IQGAP2: variants seen among roughly 807,000 people sequenced by gnomAD.
IQGAP2 encodes the protein IQ motif containing GTPase activating protein 2, also known as ras GTPase-activating-like protein IQGAP2.
In IQGAP2, 173 loss-of-function variants were observed where a neutral mutation model predicts 201.3. The observed-to-expected ratio is 0.86, with a 90% CI of 0.76 to 0.98. IQGAP2 has a LOEUF of 0.98. Ranked by LOEUF, IQGAP2 falls within the 50% of genes least tolerant of loss-of-function variation. The pLI, the probability that IQGAP2 is intolerant of heterozygous loss-of-function variation, is 0.00. For synonymous variants in IQGAP2, 675 were observed against 673.9 expected, an observed-to-expected ratio of 1.00 and a Z score of -0.03; for missense variants, 1,687 against 1,864.8, an observed-to-expected ratio of 0.90 and a Z score of 1.76.
At chr5:76,492,138 C>T (rs144172399) in intron 2 of IQGAP2, among the ~76,000 whole-genome samples, 23 of 152,268 alleles carry the variant, frequency 1.5e-4, no homozygotes, top group African/African-American at 4.1e-4. Flanking sequence ...AAAAGGGATT[C>T]GGAGAAGTTT....
chr5:76,551,980 G>A (rs1268544172), intron 2 of IQGAP2, among the ~76,000 whole-genome samples: 1 of 152,034 alleles, frequency 6.6e-6, no homozygotes, highest in East Asian at 1.9e-4. Context: ...GACAATGACA[G>A]CCTCACCCTC....
At chr5:76,641,178 G>T in intron 17 of IQGAP2, 75 bp downstream of exon 17, 1 of 1,143,784 alleles carries the variant, frequency 8.7e-7, no homozygotes, top group South Asian at 1.6e-5. Flanking sequence ...TAATAGAATA[G>T]TCAACTACCA....
Position 76,592,908 on chromosome 5 carries a change from A to C in IQGAP2, c.890A>C (p.Asn297Thr). 1.9e-6 allele frequency: 3 copies of C among 1,607,762 alleles called. No homozygotes were observed. The highest frequency in any genetic ancestry group is 2.6e-6 in the Non-Finnish European group (3 of 1,174,270). ...CTGACACAAGCAGAAATCCAAGGCA[A>C]TATTAATAAAGTCAACAGTAAGTAA... ...ELLTQAEIQG[N>T]INKVNRQAAV... Residue 297 changes from asparagine to threonine, a missense_variant, in exon 9 of 36, where the codon AAT (asparagine) becomes ACT (threonine). Coordinates refer to ENST00000274364, the MANE Select transcript of IQGAP2 (RefSeq NM_006633.5).
chr5:76,583,227 G>A (rs1415943537), intron 5 of IQGAP2, among the ~76,000 whole-genome samples: 1 of 152,066 alleles, frequency 6.6e-6, no homozygotes, highest in Non-Finnish European at 1.5e-5. Context: ...CAGGTAATAA[G>A]CAGCCTCATT....
chr5:76,688,389 G>T, intron 30 of IQGAP2, among the ~76,000 whole-genome samples: 1 of 152,138 alleles, frequency 6.6e-6, no homozygotes, highest in South Asian at 2.1e-4. Context: ...AGAATTTGAG[G>T]CATTGTTAAT....
At chr5:76,668,091 C>T (rs1225193548) in intron 22 of IQGAP2, among the ~76,000 whole-genome samples, 2 of 151,924 alleles carry the variant, frequency 1.3e-5, no homozygotes, top group East Asian at 3.9e-4. Context: ...CCATGTTGCC[C>T]AGGCTTGTCT....
chr5:76,443,647 G>A (rs1025812832), intron 1 of IQGAP2, among the ~76,000 whole-genome samples: 3 of 152,038 alleles, frequency 2.0e-5, no homozygotes, highest in Admixed American at 1.3e-4. Context: ...TCTAGCCAGG[G>A]TTGTTAGAAA....
intron 1 of IQGAP2, among the ~76,000 whole-genome samples, chr5:76,414,890 G>T (rs957301757): frequency 5.3e-5 from 8 of 152,172 alleles, no homozygotes; most frequent in Non-Finnish European, 1.0e-4. Flanking sequence ...CATTAGATTA[G>T]GGGAACTCTG....
At position 76,509,029 on chromosome 5, in the gene IQGAP2, A is replaced by ATATGTG. The variant is rs368437689; in HGVS notation, c.146+47361_146+47362insATGTGT. Among the ~76,000 whole-genome samples, 52 of 148,956 alleles carry ATATGTG rather than the reference A, an allele frequency of 3.5e-4. 1 individual carries two copies. The East Asian group carries it at 9.6e-3, about 27-fold the overall frequency. ...TGGTAAACAGTTTGGCTGTATATAT[A>ATATGTG]TGTGTGTGTGTGTGTGTGTGTGTGT... On this transcript the variant is annotated intron_variant, in intron 2 of 35. Coordinates refer to ENST00000274364, the MANE Select transcript of IQGAP2 (RefSeq NM_006633.5).
chr5:76,496,712 C>CTT (rs1444114099), intron 2 of IQGAP2, among the ~76,000 whole-genome samples: 7 of 18,120 alleles, frequency 3.9e-4, no homozygotes, highest in African/African-American at 1.6e-3. Context: ...CTCTTTCTTT[C>CTT]TTTCTTTCTT....
At chr5:76,668,873 A>G (rs746430376) in intron 23 of IQGAP2, 29 bp downstream of exon 23, 9 of 1,427,314 alleles carry the variant, frequency 6.3e-6, no homozygotes, top group African/African-American at 2.9e-5. Context: ...ATGTAAAAAT[A>G]CCAGTGAATC....
intron 2 of IQGAP2, among the ~76,000 whole-genome samples, chr5:76,511,901 C>T (rs1013320478): frequency 1.1e-4 from 16 of 152,108 alleles, no homozygotes; most frequent in African/African-American, 3.4e-4. Context: ...AGGATGGTCT[C>T]GATCTCCTGA....
chr5:76,665,662 A>C (rs1743692057), intron 22 of IQGAP2, among the ~76,000 whole-genome samples: 2 of 152,204 alleles, frequency 1.3e-5, no homozygotes, highest in African/African-American at 4.8e-5. Flanking sequence ...GGGATTTCAA[A>C]ATAATATTTC....
chr5:76,585,682 T>G (rs1472601520), intron 5 of IQGAP2, among the ~76,000 whole-genome samples: 17 of 151,890 alleles, frequency 1.1e-4, no homozygotes, highest in Non-Finnish European at 4.4e-5. Flanking sequence ...GCCCAGCTAA[T>G]TTTGTATTTT....
chr5:76,518,553 C>T (rs1311271678), intron 2 of IQGAP2, among the ~76,000 whole-genome samples: 1 of 152,094 alleles, frequency 6.6e-6, no homozygotes, highest in Non-Finnish European at 1.5e-5. Flanking sequence ...ACAGCCAAAC[C>T]ATATCAGGGA....
At chr5:76,504,789 G>T (rs898534134) in intron 2 of IQGAP2, among the ~76,000 whole-genome samples, 1 of 152,032 alleles carries the variant, frequency 6.6e-6, no homozygotes, top group Non-Finnish European at 1.5e-5. Flanking sequence ...AGTTAATACC[G>T]TAATCTCTTG....
In IQGAP2 at chr5:76,461,634, T is replaced by A. The variant is rs750663912; in HGVS notation, c.111T>A (p.Ala37=). The change falls in exon 2 of 36, where the codon GCT becomes GCA. Residue 37 remains alanine, a synonymous_variant. Coordinates refer to ENST00000274364, the MANE Select transcript of IQGAP2 (RefSeq NM_006633.5). ...EMDERRRQNI[A]YEYLCHLEEA... is the part of the protein sequence containing the mutation. ...ATGAGAGGAGGCGGCAGAACATTGCTTATGAATATCTGTGCCACTTAGAGG... is the reference window on the plus strand; with the variant it reads ...ATGAGAGGAGGCGGCAGAACATTGCATATGAATATCTGTGCCACTTAGAGG... 6 of 1,613,982 alleles carry A rather than the reference T, an allele frequency of 3.7e-6. No homozygotes were observed. Among genetic ancestry groups the A allele is most frequent in the Admixed American group, 1.7e-5 (1 of 60,028 alleles).
chr5:76,652,921 G>C, intron 18 of IQGAP2, 88 bp downstream of exon 18: 1 of 868,722 alleles, frequency 1.2e-6, no homozygotes, highest in South Asian at 1.4e-5. Context: ...TATAGAAAGG[G>C]AGGGTACATG....
intron 2 of IQGAP2, among the ~76,000 whole-genome samples, chr5:76,555,877 C>A (rs1455396700): frequency 1.3e-5 from 2 of 152,178 alleles, no homozygotes; most frequent in Non-Finnish European, 2.9e-5. Context: ...GTGCACCTCT[C>A]ACACTCATTT....
Sources: allele counts gnomAD v4.1 joint callset (sites outside exome capture counted in the v4.1 genomes callset), GRCh38; gene constraint gnomAD v4.1.1; transcripts MANE v1.5; gene names NCBI Gene and HGNC (gene_info 2026-07-23, HGNC 2026-07-21).